PRKAG2: variants seen among roughly 807,000 people sequenced by gnomAD.
The protein encoded by PRKAG2 is 5'-AMP-activated protein kinase subunit gamma-2.
In PRKAG2, 26 loss-of-function variants were observed where a neutral mutation model predicts 69.6. The observed-to-expected ratio is 0.37, with a 90% confidence interval of 0.27 to 0.52. PRKAG2 has a LOEUF of 0.52. PRKAG2 is among the 20% of genes least tolerant of loss of function. The pLI is 0.90. For synonymous variants in PRKAG2, 293 were observed against 285.0 expected, an observed-to-expected ratio of 1.03 and a Z score of -0.28; for missense variants, 557 against 740.0, an observed-to-expected ratio of 0.75 and a Z score of 2.87.
chr7:151,579,276 C>A (rs1049769007), intron 6 of PRKAG2, among the ~76,000 whole-genome samples: 3 of 152,192 alleles, frequency 2.0e-5, no homozygotes, highest in African/African-American at 7.2e-5. Context: ...CCTGTCTTGG[C>A]CTCCCAAAGT....
intron 5 of PRKAG2, among the ~76,000 whole-genome samples, chr7:151,606,848 T>A (rs1475822183): frequency 1.3e-5 from 2 of 152,108 alleles, no homozygotes; most frequent in Admixed American, 6.6e-5. Flanking sequence ...AAATAAATTA[T>A]CAAAATTCCT....
At chr7:151,812,948 C>CCA (rs1407086321) in intron 1 of PRKAG2, among the ~76,000 whole-genome samples, 2 of 148,336 alleles carry the variant, frequency 1.3e-5, no homozygotes, top group African/African-American at 5.0e-5. Flanking sequence ...AAAAAAAAAA[C>CCA]CACACACACA....
intron 1 of PRKAG2, chr7:151,837,536 C>T (rs933847435): frequency 2.6e-5 from 4 of 152,158 alleles, no homozygotes; most frequent in Non-Finnish European, 5.9e-5. Flanking sequence ...TTAGTATAGT[C>T]ATGGTTAATA....
chr7:151,827,767 A>AAAAAC (rs1227430019), intron 1 of PRKAG2, among the ~76,000 whole-genome samples: 62 of 150,558 alleles, frequency 4.1e-4, no homozygotes, highest in Non-Finnish European at 6.8e-4. Context: ...AAAAAAAAAA[A>AAAAAC]AAAAAAACTG....
At chr7:151,584,509 G>C (rs542760656) in intron 6 of PRKAG2, among the ~76,000 whole-genome samples, 1 of 152,082 alleles carries the variant, frequency 6.6e-6, no homozygotes, top group Non-Finnish European at 1.5e-5. Flanking sequence ...GGAATGAAAA[G>C]AAAAATTGAA....
intron 3 of PRKAG2, among the ~76,000 whole-genome samples, chr7:151,691,577 T>C (rs1425509123): frequency 2.6e-5 from 4 of 151,778 alleles, no homozygotes; most frequent in Admixed American, 2.6e-4. Context: ...TTCACCATCA[T>C]TAATCTTTAG....
At chr7:151,715,322 C>CAAAAAAAAAAAAAAAAAAAAA (rs34971340) in intron 3 of PRKAG2, among the ~76,000 whole-genome samples, 1 of 62,458 alleles carries the variant, frequency 1.6e-5, no homozygotes, top group African/African-American at 7.1e-5. Flanking sequence ...GGCCTAAAAG[C>CAAAAAAAAAAAAAAAAAAAAA]AAAAAAAAAA....
At chr7:151,698,481 G>A (rs745497866) in intron 3 of PRKAG2, among the ~76,000 whole-genome samples, 2 of 152,096 alleles carry the variant, frequency 1.3e-5, no homozygotes, top group African/African-American at 2.4e-5. Flanking sequence ...GAATGTCGTG[G>A]TGCTGTCCTC....
intron 1 of PRKAG2, among the ~76,000 whole-genome samples, chr7:151,851,868 C>A (rs2079576131): frequency 6.6e-6 from 1 of 152,190 alleles, no homozygotes; most frequent in African/African-American, 2.4e-5. Flanking sequence ...TGCTCAGACT[C>A]AACTTCCCCA....
At chr7:151,712,406 T>TA (rs1563498210) in intron 3 of PRKAG2, among the ~76,000 whole-genome samples, 1 of 152,224 alleles carries the variant, frequency 6.6e-6, no homozygotes, top group East Asian at 1.9e-4. Flanking sequence ...GCAGTGACTC[T>TA]ACACTCAGGA....
At chr7:151,557,605 C>G in intron 15 of PRKAG2, 15 of 979,644 alleles carry the variant, frequency 1.5e-5, no homozygotes, top group Non-Finnish European at 1.6e-5. Context: ...CGCGGTGGCT[C>G]ACATCTGTAA....
At chr7:151,817,118 C>T (rs2078665005) in intron 1 of PRKAG2, among the ~76,000 whole-genome samples, 1 of 152,212 alleles carries the variant, frequency 6.6e-6, no homozygotes, top group African/African-American at 2.4e-5. Flanking sequence ...TTTCTCCTCG[C>T]TTCCAGAACC....
intron 4 of PRKAG2, among the ~76,000 whole-genome samples, chr7:151,649,168 G>A (rs1006025895): frequency 6.6e-6 from 1 of 151,860 alleles, no homozygotes; most frequent in Non-Finnish European, 1.5e-5. Context: ...TTCTGTTGCC[G>A]AGGTTGGAGT....
chr7:151,876,452 G>C (rs1457976554), intron 1 of PRKAG2, 55 bp downstream of exon 1: 2 of 1,530,592 alleles, frequency 1.3e-6, no homozygotes. Flanking sequence ...CTTCGGCGCC[G>C]GGGACGGGAG....
intron 1 of PRKAG2, among the ~76,000 whole-genome samples, chr7:151,817,713 T>C (rs2078678038): frequency 1.3e-5 from 2 of 152,238 alleles, no homozygotes; most frequent in African/African-American, 4.8e-5. Context: ...GTATTTTACA[T>C]ATCCTCTCTC....
Position 151,874,470 on chromosome 7 carries a change from A to G in PRKAG2, c.114+2037T>C, listed in dbSNP as rs1232993588. Among the ~76,000 whole-genome samples the G allele has an allele frequency of 2.4e-3, 52 of 21,646 alleles. 1 individual carries two copies. The highest frequency in any genetic ancestry group is 4.7e-3 in the Non-Finnish European group (35 of 7,470). The allele number at this position is 21,646 out of a possible 152,430, so 14.2% of individuals were successfully genotyped here. A position where few individuals can be genotyped will look rare whatever the true frequency, so the allele number is the denominator to read the frequency against. On this transcript the variant is annotated intron_variant, in intron 1 of 15. Coordinates refer to ENST00000287878, the MANE Select transcript of PRKAG2 (RefSeq NM_016203.4). ...ATGTATATGATGTATATGTATATGT[A>G]TATGATGTATATGTATATGATGTAT...
chr7:151,726,987 G>A (rs972557821), intron 3 of PRKAG2, among the ~76,000 whole-genome samples: 13 of 152,184 alleles, frequency 8.5e-5, no homozygotes, highest in African/African-American at 1.2e-4. Context: ...AGGCCAAGGC[G>A]GGCGGATCAC....
chr7:151,568,748 G>T lies in PRKAG2; in HGVS notation c.1201C>A (p.His401Asn). 1 of 1,613,892 alleles carries T rather than the reference G, an allele frequency of 6.2e-7. No individual in the cohort carries two copies. Among genetic ancestry groups the T allele is most frequent in the Non-Finnish European group, 8.5e-7 (1 of 1,179,830 alleles). Reference sequence around the variant, plus strand: ...TGGAGGAACTTGAGGATTCTTTTGTGGGTAAGTATATAAAGTGCATTCCCA... The same window carrying T: ...TGGAGGAACTTGAGGATTCTTTTGTTGGTAAGTATATAAAGTGCATTCCCA... ...ISGNALYILT[H>N]KRILKFLQLF... Residue 401 changes from histidine to asparagine, a missense_variant, in exon 11 of 16, where the codon CAC becomes AAC. Transcript: ENST00000287878.
intron 2 of PRKAG2, 36 bp downstream of exon 2, chr7:151,786,434 G>C: frequency 6.3e-7 from 1 of 1,574,930 alleles, no homozygotes; most frequent in African/African-American, 1.3e-5. Flanking sequence ...GGCACCTCAA[G>C]TGAGCTGTGA....
Sources: allele counts gnomAD v4.1 joint callset (sites outside exome capture counted in the v4.1 genomes callset), GRCh38; gene constraint gnomAD v4.1.1; transcripts MANE v1.5; gene names NCBI Gene and HGNC (gene_info 2026-07-23, HGNC 2026-07-21).